PHLDB2: variants seen among roughly 807,000 people sequenced by gnomAD.
The protein encoded by PHLDB2 is pleckstrin homology like domain family B member 2.
Under a neutral mutation model 123.6 loss-of-function variants are expected in PHLDB2, and 71 were observed. The ratio of observed to expected loss-of-function variants is 0.57; its 90% CI spans 0.47 to 0.70. The LOEUF is 0.70. Among genes scored for constraint, PHLDB2 ranks in the 30% least tolerant of loss-of-function variants. The probability of loss-of-function intolerance (pLI) is 0.00; values close to 1 mark genes in which losing one functional copy is unlikely to be tolerated. For missense variants in PHLDB2, 1,446 were observed against 1,519.5 expected (o/e 0.95, Z 0.80); for synonymous variants, 547 against 541.6 (o/e 1.01, Z -0.14).
chr3:111,969,671 G>C lies in PHLDB2; in HGVS notation c.3316-19G>C. On this transcript the variant is annotated intron_variant, in intron 15 of 17. Transcript: ENST00000431670. ...ACAAATAATTAGCTATAGATGCAATGGGTTTTGCACTTTTCCAGGCTCGTC... is the reference window on the plus strand; with the variant it reads ...ACAAATAATTAGCTATAGATGCAATCGGTTTTGCACTTTTCCAGGCTCGTC... 6.3e-7 allele frequency: 1 copy of C among 1,595,456 alleles called. No individual in the cohort carries two copies. The highest frequency in any genetic ancestry group is 8.6e-7 in the Non-Finnish European group (1 of 1,164,198).
intron 1 of PHLDB2, among the ~76,000 whole-genome samples, chr3:111,831,363 C>T (rs2063026380): frequency 6.6e-6 from 1 of 152,058 alleles, no homozygotes; most frequent in African/African-American, 2.4e-5. Context: ...TTAATAAAAA[C>T]ATCCAAGTGT....
intron 13 of PHLDB2, among the ~76,000 whole-genome samples, chr3:111,964,008 A>G (rs1431092733): frequency 6.6e-6 from 1 of 152,162 alleles, no homozygotes; most frequent in Non-Finnish European, 1.5e-5. Context: ...CAGAAGAGAA[A>G]TGCCTGTTTT....
intron 6 of PHLDB2, among the ~76,000 whole-genome samples, chr3:111,939,073 G>A (rs892034325): frequency 1.3e-5 from 2 of 152,122 alleles, no homozygotes; most frequent in Non-Finnish European, 2.9e-5. Context: ...CTCCCAAAGT[G>A]CTGGGATTAC....
chr3:111,804,973 T>G (rs1170608788), intron 1 of PHLDB2, among the ~76,000 whole-genome samples: 2 of 152,054 alleles, frequency 1.3e-5, no homozygotes, highest in Non-Finnish European at 2.9e-5. Flanking sequence ...CAATACTAGG[T>G]GCTGGGGAGG....
intron 1 of PHLDB2, among the ~76,000 whole-genome samples, chr3:111,756,410 G>A (rs1169526636): frequency 1.3e-5 from 2 of 151,988 alleles, no homozygotes; most frequent in African/African-American, 4.8e-5. Flanking sequence ...ATTATGTAAT[G>A]GCCTTGTCTC....
chr3:111,752,252 G>A (rs142464867), intron 1 of PHLDB2, among the ~76,000 whole-genome samples: 1 of 144,076 alleles, frequency 6.9e-6, no homozygotes, highest in Non-Finnish European at 1.5e-5. Context: ...CTGTGTCTGT[G>A]TGTGTGTGTG....
intron 1 of PHLDB2, among the ~76,000 whole-genome samples, chr3:111,809,836 G>T (rs2061751394): frequency 6.6e-6 from 1 of 152,150 alleles, no homozygotes; most frequent in Non-Finnish European, 1.5e-5. Context: ...AAACTCAAGA[G>T]TTTAGATACA....
chr3:111,737,910 G>A (rs1325311955), intron 1 of PHLDB2, among the ~76,000 whole-genome samples: 1 of 152,052 alleles, frequency 6.6e-6, no homozygotes, highest in African/African-American at 2.4e-5. Context: ...GGTTTCACAA[G>A]GTAAACAGCT....
Position 111,851,597 on chromosome 3 carries a change from A to C in PHLDB2, c.67+5662A>C, listed in dbSNP as rs549271009. 2.0e-5 allele frequency among the ~76,000 whole-genome samples: 3 copies of C among 152,248 alleles called. No individual in the cohort carries two copies. In the South Asian group the frequency reaches 6.2e-4, roughly 32 times the overall value. On this transcript the variant is annotated intron_variant, in intron 2 of 17. Coordinates refer to the PHLDB2 transcript ENST00000393923. ...ACAGGAAGTAGAGTGCGGCTTTATT[A>C]AAGTCTTTAAATGTTGTGGCTGGAG...
chr3:111,844,037 C>A (rs1364676990), intron 1 of PHLDB2, among the ~76,000 whole-genome samples: 1 of 152,096 alleles, frequency 6.6e-6, no homozygotes, highest in African/African-American at 2.4e-5. Context: ...TGGCATCTAC[C>A]CTTACCTGCT....
In PHLDB2 at chr3:111,913,552, G is replaced by A. The variant is rs2068004122; in HGVS notation, c.1569G>A (p.Gly523=). 2.5e-6 allele frequency: 4 copies of A among 1,614,154 alleles called. No individual in the cohort carries two copies. Among genetic ancestry groups the A allele is most frequent in the Non-Finnish European group, 2.5e-6 (3 of 1,180,028 alleles). The change falls in exon 3 of 18, where the codon GGG becomes GGA. Residue 523 remains glycine (G), a synonymous_variant. Coordinates refer to ENST00000431670, the MANE Select transcript of PHLDB2 (RefSeq NM_001134438.2). ...CTGATGCAGACTTGGCAAGCTGTGGGAGTCTCAGTCAGAGCAGTGCCAGCT... is the reference window on the plus strand; with the variant it reads ...CTGATGCAGACTTGGCAAGCTGTGGAAGTCTCAGTCAGAGCAGTGCCAGCT... ...SLPDADLASC[G]SLSQSSASFF...
intron 1 of PHLDB2, among the ~76,000 whole-genome samples, chr3:111,876,746 G>A (rs1215470681): frequency 1.3e-5 from 2 of 152,020 alleles, no homozygotes; most frequent in East Asian, 1.9e-4. Context: ...ACAAGCCATG[G>A]TGTGTGATAT....
chr3:111,741,224 C>T (rs1025457265), intron 1 of PHLDB2, among the ~76,000 whole-genome samples: 5 of 152,232 alleles, frequency 3.3e-5, no homozygotes, highest in African/African-American at 1.2e-4. Context: ...CACCTACCCA[C>T]AGCCCTCACT....
At chr3:111,895,303 G>A (rs1282658779) in intron 2 of PHLDB2, among the ~76,000 whole-genome samples, 1 of 152,142 alleles carries the variant, frequency 6.6e-6, no homozygotes, top group Admixed American at 6.5e-5. Context: ...GAATTTGAGA[G>A]ATGTATGTTC....
At chr3:111,752,393 T>C (rs2059796089) in intron 1 of PHLDB2, among the ~76,000 whole-genome samples, 1 of 152,210 alleles carries the variant, frequency 6.6e-6, no homozygotes, top group Admixed American at 6.5e-5. Flanking sequence ...AGTTGATTTA[T>C]AAAGCTTAAA....
intron 1 of PHLDB2, among the ~76,000 whole-genome samples, chr3:111,825,688 T>G (rs1021172147): frequency 1.3e-5 from 2 of 152,258 alleles, no homozygotes; most frequent in African/African-American, 4.8e-5. Context: ...ACTCAAGTGA[T>G]CTGCCCACCT....
At chr3:111,739,533 A>C (rs1473123651) in intron 1 of PHLDB2, among the ~76,000 whole-genome samples, 1 of 151,614 alleles carries the variant, frequency 6.6e-6, no homozygotes, top group Non-Finnish European at 1.5e-5. Context: ...TATAAACAAA[A>C]GGCAGAGAGT....
At position 111,940,549 on chromosome 3, in the gene PHLDB2, A is replaced by C. The variant is rs761012356; in HGVS notation, c.2301A>C (p.Ala767=). The change falls in exon 8 of 18, where the codon GCA becomes GCC. Residue 767 remains alanine (A), a synonymous_variant. Transcript: ENST00000431670. ...NIVSRKEKIS[A]LKKQANHIVQ... ...TTTTCCTCCAGGAAAAAATTTCTGCATTGAAAAAGCAAGCCAATCACATTG... is the reference window on the plus strand; with the variant it reads ...TTTTCCTCCAGGAAAAAATTTCTGCCTTGAAAAAGCAAGCCAATCACATTG... The C allele has an allele frequency of 4.4e-6, 7 of 1,600,204 alleles. No homozygotes were observed. In the Admixed American group the frequency reaches 1.0e-4, roughly 24 times the overall value.
At chr3:111,946,041 A>T (rs1029095704) in intron 9 of PHLDB2, among the ~76,000 whole-genome samples, 1 of 147,148 alleles carries the variant, frequency 6.8e-6, no homozygotes, top group African/African-American at 2.5e-5. Context: ...ATATATATAT[A>T]TATTTTTTGA....
Sources: allele counts gnomAD v4.1 joint callset (sites outside exome capture counted in the v4.1 genomes callset), GRCh38; gene constraint gnomAD v4.1.1; transcripts MANE v1.5; gene names NCBI Gene and HGNC (gene_info 2026-07-23, HGNC 2026-07-21).